Variants in MAPKAP1 observed in about 807,000 individuals in gnomAD.
The protein encoded by MAPKAP1 is target of rapamycin complex 2 subunit MAPKAP1.
Under a neutral mutation model 65.7 loss-of-function variants are expected in MAPKAP1, and 20 were observed. The observed-to-expected ratio is 0.30, with a 90% CI of 0.21 to 0.44. The LOEUF is 0.44. Ranked by LOEUF, MAPKAP1 falls within the 20% of genes least tolerant of loss-of-function variation. MAPKAP1 has a pLI of 1.00. For missense variants in MAPKAP1, 423 were observed against 648.0 expected (o/e 0.65, Z 3.77); for synonymous variants, 222 against 244.3 (o/e 0.91, Z 0.85).
chr9:125,632,323 A>G (rs1833310707), intron 4 of MAPKAP1, among the ~76,000 whole-genome samples: 1 of 152,168 alleles, frequency 6.6e-6, no homozygotes, highest in Non-Finnish European at 1.5e-5. Context: ...AAGATTACAC[A>G]TACCATTAAA....
chr9:125,657,140 T>G (rs1341589718), intron 4 of MAPKAP1, among the ~76,000 whole-genome samples: 1 of 152,126 alleles, frequency 6.6e-6, no homozygotes, highest in African/African-American at 2.4e-5. Context: ...ACAATGCAAA[T>G]TGCCTCCCAG....
At chr9:125,591,097 A>G (rs1831948140) in intron 4 of MAPKAP1, among the ~76,000 whole-genome samples, 1 of 152,186 alleles carries the variant, frequency 6.6e-6, no homozygotes. Flanking sequence ...TATAGCTGAG[A>G]AAACCAAGGC....
At chr9:125,695,428 C>T (rs1188741566) in intron 1 of MAPKAP1, among the ~76,000 whole-genome samples, 1 of 152,096 alleles carries the variant, frequency 6.6e-6, no homozygotes, top group Non-Finnish European at 1.5e-5. Flanking sequence ...ACCTGTGGGC[C>T]TTTTCAGCTG....
intron 4 of MAPKAP1, among the ~76,000 whole-genome samples, chr9:125,615,834 T>C (rs2131639345): frequency 1.3e-5 from 2 of 151,492 alleles, no homozygotes; most frequent in Non-Finnish European, 2.9e-5. Context: ...AATCACTTGA[T>C]GTTGCAGAGG....
At chr9:125,629,105 A>C (rs1051674098) in intron 4 of MAPKAP1, among the ~76,000 whole-genome samples, 10 of 151,682 alleles carry the variant, frequency 6.6e-5, no homozygotes, top group African/African-American at 2.4e-4. Context: ...GAAAATAAAA[A>C]GTGTTGCAAA....
intron 3 of MAPKAP1, among the ~76,000 whole-genome samples, chr9:125,663,254 T>G (rs1166575943): frequency 6.6e-6 from 1 of 152,174 alleles, no homozygotes; most frequent in Non-Finnish European, 1.5e-5. Flanking sequence ...GCATCCTGCC[T>G]TGTTATTCTA....
At chr9:125,652,933 C>G (rs910864166) in intron 4 of MAPKAP1, among the ~76,000 whole-genome samples, 17 of 152,186 alleles carry the variant, frequency 1.1e-4, no homozygotes, top group African/African-American at 3.9e-4. Context: ...AAAACACATT[C>G]CCTCTCACTC....
chr9:125,532,312 T>A (rs1307026318), intron 7 of MAPKAP1, among the ~76,000 whole-genome samples: 1 of 152,214 alleles, frequency 6.6e-6, no homozygotes, highest in East Asian at 1.9e-4. Context: ...ATACCTGGAA[T>A]ACAATAAGTA....
intron 4 of MAPKAP1, among the ~76,000 whole-genome samples, chr9:125,631,732 T>A (rs980850930): frequency 6.6e-6 from 1 of 152,152 alleles, no homozygotes; most frequent in African/African-American, 2.4e-5. Context: ...ATTCCAGTCA[T>A]ACCCTACTAC....
rs1830653258 is a variant in MAPKAP1 at position 125,553,679 on chromosome 9, A to G, written c.848+5954T>C. 5.9e-5 allele frequency among the ~76,000 whole-genome samples: 9 copies of G among 152,232 alleles called. No homozygotes were observed. The South Asian group carries it at 1.9e-3, about 31-fold the overall frequency. ...ACGGCTACTCACACACTACAATGGC[A>G]GTGCTGAGTTACAGAAACTCTATGG... is the stretch of plus-strand genomic sequence containing the variant. On this transcript the variant is annotated intron_variant, in intron 6 of 11. Coordinates refer to ENST00000265960, the MANE Select transcript of MAPKAP1 (RefSeq NM_001006617.3).
intron 9 of MAPKAP1, chr9:125,471,219 C>T (rs1354314524): frequency 2.6e-5 from 4 of 152,364 alleles, no homozygotes; most frequent in Admixed American, 1.3e-4. Context: ...TGAGCACCCC[C>T]GGGAAGAGTG....
At chr9:125,698,720 ATAACATAATATCCCTTTT>A in intron 1 of MAPKAP1, among the ~76,000 whole-genome samples, 1 of 152,208 alleles carries the variant, frequency 6.6e-6, no homozygotes, top group East Asian at 1.9e-4. Flanking sequence ...GGGGACGGGG[ATAACATAATATCCCTTTT>A]CTAACAAAGA....
intron 1 of MAPKAP1, among the ~76,000 whole-genome samples, chr9:125,689,923 C>T (rs559532059): frequency 6.6e-6 from 1 of 151,824 alleles, no homozygotes; most frequent in Admixed American, 6.6e-5. Context: ...CCCATCTCTA[C>T]TAAAAAAATA....
intron 8 of MAPKAP1, among the ~76,000 whole-genome samples, chr9:125,493,238 C>T (rs977203115): frequency 6.6e-6 from 1 of 152,192 alleles, no homozygotes; most frequent in Admixed American, 6.5e-5. Context: ...ATTGCTACTC[C>T]CCACGCAGAA....
At chr9:125,588,308 G>C (rs924100122) in intron 4 of MAPKAP1, among the ~76,000 whole-genome samples, 1 of 152,244 alleles carries the variant, frequency 6.6e-6, no homozygotes, top group African/African-American at 2.4e-5. Context: ...GACATGAAAG[G>C]CCACTACTGT....
chr9:125,575,827 T>C (rs1232583738), intron 5 of MAPKAP1, among the ~76,000 whole-genome samples: 1 of 152,200 alleles, frequency 6.6e-6, no homozygotes, highest in East Asian at 1.9e-4. Context: ...ATACAATTTG[T>C]CAATCACACT....
At chr9:125,663,387 T>G (rs1417385432) in intron 3 of MAPKAP1, among the ~76,000 whole-genome samples, 2 of 152,222 alleles carry the variant, frequency 1.3e-5, no homozygotes, top group Non-Finnish European at 2.9e-5. Context: ...AGATCTCTAC[T>G]CAAACAGTAC....
chr9:125,654,594 G>C (rs1833980413), intron 4 of MAPKAP1, among the ~76,000 whole-genome samples: 1 of 152,106 alleles, frequency 6.6e-6, no homozygotes, highest in South Asian at 2.1e-4. Flanking sequence ...TCAATTTCAT[G>C]CCTTAAAAAA....
chr9:125,608,205 C>G (rs1201723615), intron 4 of MAPKAP1, among the ~76,000 whole-genome samples: 1 of 152,202 alleles, frequency 6.6e-6, no homozygotes, highest in Non-Finnish European at 1.5e-5. Context: ...AAGTTTTAAT[C>G]AAATAGCTGC....
Sources: gnomAD v4.1 joint callset for allele counts (sites outside exome capture counted in the v4.1 genomes callset) on GRCh38, gnomAD v4.1.1 for gene constraint, MANE v1.5 for transcripts, NCBI Gene and HGNC (gene_info 2026-07-23, HGNC 2026-07-21) for gene names.